ATP11B: variants seen among roughly 807,000 people sequenced by gnomAD.
ATP11B encodes ATPase phospholipid transporting 11B (putative), also known as phospholipid-transporting ATPase IF.
Under a neutral mutation model 157.8 loss-of-function variants are expected in ATP11B, and 81 were observed. The ratio of observed to expected loss-of-function variants is 0.51; its 90% CI spans 0.43 to 0.62. The LOEUF (loss-of-function observed/expected upper bound fraction) is 0.62, where lower values mean the gene tolerates loss of function less well. Ranked by LOEUF, ATP11B falls within the 20% of genes least tolerant of loss-of-function variation. The pLI is 0.00. For missense variants in ATP11B, 1,165 were observed against 1,402.2 expected, an observed-to-expected ratio of 0.83 and a Z score of 2.70; for synonymous variants, 451 against 469.4, an observed-to-expected ratio of 0.96 and a Z score of 0.51.
chr3:182,877,426 G>C (rs1722121054), intron 19 of ATP11B, among the ~76,000 whole-genome samples: 2 of 152,336 alleles, frequency 1.3e-5, no homozygotes, highest in African/African-American at 2.4e-5. Flanking sequence ...CAGATCACTT[G>C]AGTCTAGAAG....
At position 182,865,627 on chromosome 3, in the gene ATP11B, C is replaced by A. The variant is rs1252561617; in HGVS notation, c.1372C>A (p.His458Asn). The A allele has an allele frequency of 6.2e-7, 1 of 1,613,096 alleles. No individual in the cohort carries two copies. Among genetic ancestry groups the A allele is most frequent in the African/African-American group, 1.3e-5 (1 of 74,890 alleles). ...GNLSYLSSLS[H>N]LNNLSHLTTS... is the part of the protein sequence containing the mutation. ...CTTATCTTATCTTAGTAGTTTATCC[C>A]ATCTTAACAACTTATCCCATCTTAC... Residue 458 changes from histidine (H) to asparagine (N), a missense_variant, in exon 13 of 30, where the codon CAT becomes AAT. Transcript: ENST00000323116.
At chr3:182,819,111 C>G (rs1266272469) in intron 1 of ATP11B, among the ~76,000 whole-genome samples, 1 of 149,784 alleles carries the variant, frequency 6.7e-6, no homozygotes, top group Non-Finnish European at 1.5e-5. Context: ...GAGTCTCTCC[C>G]CGTGTCCCAG....
intron 25 of ATP11B, among the ~76,000 whole-genome samples, chr3:182,891,116 C>CT: frequency 6.6e-6 from 1 of 152,226 alleles, no homozygotes. Context: ...TCTGCACAGT[C>CT]TTACCATCAG....
At chr3:182,884,463 T>C (rs1436676600) in intron 21 of ATP11B, among the ~76,000 whole-genome samples, 1 of 152,118 alleles carries the variant, frequency 6.6e-6, no homozygotes, top group African/African-American at 2.4e-5. Context: ...AGTGTAATAA[T>C]TGATGTTCCT....
At chr3:182,894,475 C>T (rs889731536) in intron 25 of ATP11B, among the ~76,000 whole-genome samples, 10 of 152,152 alleles carry the variant, frequency 6.6e-5, no homozygotes, top group Non-Finnish European at 1.2e-4. Context: ...TGTGAGCCAC[C>T]GCACCCAGCC....
intron 28 of ATP11B, chr3:182,905,903 G>C (rs904025771): frequency 4.4e-6 from 2 of 456,456 alleles, no homozygotes; most frequent in Non-Finnish European, 8.8e-6. Flanking sequence ...CAGCAGGACA[G>C]TTGTTGCGTG....
chr3:182,884,417 C>T (rs1336237923), intron 21 of ATP11B, among the ~76,000 whole-genome samples: 1 of 152,040 alleles, frequency 6.6e-6, no homozygotes, highest in Non-Finnish European at 1.5e-5. Flanking sequence ...AGCATTCTGT[C>T]CATCAGAAGT....
At chr3:182,823,779 C>T (rs955517037) in intron 2 of ATP11B, among the ~76,000 whole-genome samples, 4 of 151,980 alleles carry the variant, frequency 2.6e-5, no homozygotes, top group African/African-American at 9.7e-5. Context: ...TTTGTAGTGA[C>T]ACAGTTCTTA....
chr3:182,819,936 T>C (rs1476169806), intron 1 of ATP11B, among the ~76,000 whole-genome samples: 3 of 152,130 alleles, frequency 2.0e-5, no homozygotes, highest in African/African-American at 7.2e-5. Context: ...TTTTTCAATA[T>C]AGTAGTATTT....
At chr3:182,902,570 G>T in intron 28 of ATP11B, 1 of 1,287,272 alleles carries the variant, frequency 7.8e-7, no homozygotes, top group Non-Finnish European at 1.0e-6. Context: ...AACTTAGGTA[G>T]AGTAGGAGGA....
At chr3:182,842,024 T>G in intron 7 of ATP11B, 51 bp from the exon 8 acceptor site, 10 of 1,113,444 alleles carry the variant, frequency 9.0e-6, no homozygotes, top group Non-Finnish European at 1.3e-5. Context: ...AAAACAGCCA[T>G]TGATGTCATA....
In ATP11B at chr3:182,887,679, C is replaced by T. The variant is rs1476629436; in HGVS notation, c.2809C>T (p.Pro937Ser). Residue 937 changes from proline to serine, a missense_variant, in exon 24 of 30, where the codon CCT (proline) becomes TCT (serine). Transcript: ENST00000323116. ...TAGTCTTTTGGAACAGCATGTAGACCCTCATGTGTTACAAAATAAGCCCAC... is the reference window on the plus strand; with the variant it reads ...TAGTCTTTTGGAACAGCATGTAGACTCTCATGTGTTACAAAATAAGCCCAC... ...IYSLLEQHVDPHVLQNKPTLY... is the reference protein window; with the variant it reads ...IYSLLEQHVDSHVLQNKPTLY... 1 of 1,611,430 alleles carries T rather than the reference C, an allele frequency of 6.2e-7. No homozygotes were observed. Among genetic ancestry groups the T allele is most frequent in the South Asian group, 1.1e-5 (1 of 90,462 alleles).
chr3:182,833,469 T>C (rs1165488519), intron 4 of ATP11B, among the ~76,000 whole-genome samples: 1 of 152,004 alleles, frequency 6.6e-6, no homozygotes, highest in East Asian at 1.9e-4. Context: ...GGGACTACAG[T>C]TGCGTGCCAC....
At chr3:182,839,858 C>T (rs949907888) in intron 7 of ATP11B, among the ~76,000 whole-genome samples, 2 of 152,158 alleles carry the variant, frequency 1.3e-5, no homozygotes, top group Admixed American at 6.5e-5. Flanking sequence ...AGTGATCCGC[C>T]CACTTCAGCC....
At position 182,867,383 on chromosome 3, in the gene ATP11B, A is replaced by G. The variant is rs536679820; in HGVS notation, c.1627A>G (p.Ile543Val). The change falls in exon 15 of 30, where the codon ATT becomes GTT. Residue 543 changes from isoleucine to valine, a missense_variant. Physicochemically the swap from Ile to Val is conservative, Grantham distance 29. Coordinates refer to ENST00000323116, the MANE Select transcript of ATP11B (RefSeq NM_014616.3). ...ALVEAAARIG[I>V]VFIGNSEETM... ...TATCCTTTTGATGTCTAGGATTGGT[A>G]TTGTGTTTATTGGCAATTCTGAAGA... 8 of 1,603,650 alleles carry G rather than the reference A, an allele frequency of 5.0e-6. No homozygotes were observed. The highest frequency in any genetic ancestry group is 3.3e-5 in the Admixed American group (2 of 59,930).
intron 1 of ATP11B, among the ~76,000 whole-genome samples, chr3:182,797,505 C>T (rs559335566): frequency 1.3e-5 from 2 of 152,206 alleles, no homozygotes; most frequent in Admixed American, 6.5e-5. Flanking sequence ...GTCAGGAGTT[C>T]GAGACCAGCC....
At chr3:182,879,461 T>C in intron 19 of ATP11B, 35 bp from the exon 20 acceptor site, 1 of 1,538,000 alleles carries the variant, frequency 6.5e-7, no homozygotes. Context: ...GGCTTCAAAG[T>C]ATCTTACAGA....
At chr3:182,838,008 C>T (rs1209937651) in intron 7 of ATP11B, among the ~76,000 whole-genome samples, 1 of 152,020 alleles carries the variant, frequency 6.6e-6, no homozygotes, top group Non-Finnish European at 1.5e-5. Flanking sequence ...GTAGAAATCA[C>T]CCTCAGCTTC....
At chr3:182,800,180 A>G (rs954593704) in intron 1 of ATP11B, among the ~76,000 whole-genome samples, 4 of 152,112 alleles carry the variant, frequency 2.6e-5, no homozygotes, top group South Asian at 2.1e-4. Flanking sequence ...GGGAAATACT[A>G]TGAGACTTAT....
Sources: gnomAD v4.1 joint callset for allele counts (sites outside exome capture counted in the v4.1 genomes callset) on GRCh38, gnomAD v4.1.1 for gene constraint, MANE v1.5 for transcripts, NCBI Gene and HGNC (gene_info 2026-07-23, HGNC 2026-07-21) for gene names.